Variants in NEUROG1 observed in about 807,000 individuals in gnomAD.
NEUROG1 encodes neurogenin 1, also known as neurogenin-1.
NEUROG1 carries 5 observed loss-of-function variants against 5.7 expected under a neutral mutation model. The ratio of observed to expected loss-of-function variants is 0.88; its 90% CI spans 0.46 to 1.85. The LOEUF (loss-of-function observed/expected upper bound fraction) is 1.85, where lower values mean the gene tolerates loss of function less well. Among genes scored for constraint, NEUROG1 ranks in the 40% most tolerant of loss-of-function variants. The probability of loss-of-function intolerance (pLI) is 0.01; values close to 1 mark genes in which losing one functional copy is unlikely to be tolerated. For synonymous variants in NEUROG1, 196 were observed against 157.4 expected (o/e 1.25, Z -1.84); for missense variants, 403 against 345.7 (o/e 1.17, Z -1.32).
rs1561730404 is a variant in NEUROG1 at position 135,534,958 on chromosome 5, AAC to A, written c.*17_*18del. On this transcript the variant is annotated 3_prime_UTR_variant, in exon 1 of 1. Transcript: ENST00000314744. Reference sequence around the variant, plus strand: ...CTGCTGACTAGGGGAGGGGGAAAGTAACAGTGTCTACAAAGGGCCTAGTGGTA... The same window carrying A: ...CTGCTGACTAGGGGAGGGGGAAAGTAAGTGTCTACAAAGGGCCTAGTGGTA... 6.2e-7 allele frequency: 1 copy of A among 1,607,026 alleles called. No individual in the cohort carries two copies. The highest frequency in any genetic ancestry group is 2.3e-5 in the East Asian group (1 of 44,408).
chr5:135,535,345 G>A lies in NEUROG1; in HGVS notation c.346C>T (p.Arg116Cys). The change falls in exon 1 of 1, where the codon CGC becomes TGC. Residue 116 changes from arginine to cysteine, a missense_variant. Arg to Cys is a radical substitution (Grantham distance 180, BLOSUM62 -3). Transcript: ENST00000314744. ...TCGGGGAACGAGGGCAGCACGCTGC[G>A]CAGTGCGTCCAGGGCCGCGTTCAAG... ...HNLNAALDAL[R>C]SVLPSFPDDT... 6.2e-7 allele frequency: 1 copy of A among 1,613,334 alleles called. No individual in the cohort carries two copies. Among genetic ancestry groups the A allele is most frequent in the Non-Finnish European group, 8.5e-7 (1 of 1,179,610 alleles).
At position 135,534,787 on chromosome 5, in the gene NEUROG1, C is replaced by G. The variant is rs1454421974; in HGVS notation, c.*190G>C. ...GCAGGAGGGGCGCTGGGCTGAGGGC[C>G]GGAGAAACAGACCAAGAGACATCCG... is the stretch of plus-strand genomic sequence containing the variant. On this transcript the variant is annotated 3_prime_UTR_variant, in exon 1 of 1. Transcript: ENST00000314744. The G allele has an allele frequency of 6.6e-6, 4 of 606,918 alleles. No individual in the cohort carries two copies. Among genetic ancestry groups the G allele is most frequent in the South Asian group, 2.1e-5 (1 of 46,584 alleles). 37.6% of individuals were successfully genotyped at this position (606,918 alleles called of 1,614,324 possible). A position where few individuals can be genotyped will look rare whatever the true frequency, so the allele number is the denominator to read the frequency against.
chr5:135,534,659 T>C lies in NEUROG1; in HGVS notation c.*318A>G. Reference sequence around the variant, plus strand: ...TCTTCAGGGGCTGATCTGTCCCTTTTCTAAATCACACTGAAGTGGTGGCTG... The same window carrying C: ...TCTTCAGGGGCTGATCTGTCCCTTTCCTAAATCACACTGAAGTGGTGGCTG... On this transcript the variant is annotated 3_prime_UTR_variant, in exon 1 of 1. Coordinates refer to ENST00000314744, the MANE Select transcript of NEUROG1 (RefSeq NM_006161.3). 3.3e-6 allele frequency: 1 copy of C among 303,516 alleles called. No individual in the cohort carries two copies. The highest frequency in any genetic ancestry group is 5.8e-5 in the East Asian group (1 of 17,238). The allele number at this position is 303,516 out of a possible 1,614,324, so 18.8% of individuals were successfully genotyped here.
chr5:135,535,153 C>T lies in NEUROG1; in HGVS notation c.538G>A (p.Ala180Thr), dbSNP rs752891195. 2.8e-5 allele frequency: 45 copies of T among 1,608,314 alleles called. No individual in the cohort carries two copies. The highest frequency in any genetic ancestry group is 3.8e-5 in the Non-Finnish European group (45 of 1,177,470). Reference protein sequence around the residue: ...VPCLPGPPSPASDAESWGSGA... With the variant: ...VPCLPGPPSPTSDAESWGSGA... ...GAGCCCCAGGACTCCGCGTCGCTGG[C>T]GGGGCTTGGGGGACCGGGCAGGCAG... The change falls in exon 1 of 1, where the codon GCC becomes ACC. Residue 180 changes from alanine (A) to threonine (T), a missense_variant. Coordinates refer to ENST00000314744, the MANE Select transcript of NEUROG1 (RefSeq NM_006161.3).
In NEUROG1 at chr5:135,535,258, C is replaced by A; in HGVS notation, c.433G>T (p.Ala145Ser). ...RFAYNYIWAL[A>S]ETLRLADQGL... ...TGATCCGCCAGGCGCAGTGTCTCGG[C>A]CAGAGCCCAGATGTAGTTGTAGGCG... Residue 145 changes from alanine to serine, a missense_variant, in exon 1 of 1, where the codon GCC becomes TCC. Transcript: ENST00000314744. The A allele has an allele frequency of 6.2e-7, 1 of 1,613,394 alleles. No homozygotes were observed. The highest frequency in any genetic ancestry group is 8.5e-7 in the Non-Finnish European group (1 of 1,179,658).
In NEUROG1 at chr5:135,535,522, G is replaced by C; in HGVS notation, c.169C>G (p.Arg57Gly). 1.3e-6 allele frequency: 2 copies of C among 1,573,694 alleles called. No homozygotes were observed. The highest frequency in any genetic ancestry group is 1.1e-5 in the South Asian group (1 of 86,964). Residue 57 changes from arginine (R) to glycine (G), a missense_variant, in exon 1 of 1, where the codon CGG (arginine) becomes GGG (glycine). Arg to Gly is a moderately radical substitution (Grantham distance 125). Coordinates refer to ENST00000314744, the MANE Select transcript of NEUROG1 (RefSeq NM_006161.3). ...PARRGAPNIS[R>G]ASEVPGAQDD... ...TGTGCCCCTGGAACCTCAGACGCCCGGGAGATATTGGGCGCGCCCCTGCGG... is the reference window on the plus strand; with the variant it reads ...TGTGCCCCTGGAACCTCAGACGCCCCGGAGATATTGGGCGCGCCCCTGCGG...
chr5:135,535,572 G>A lies in NEUROG1; in HGVS notation c.119C>T (p.Ser40Phe). The change falls in exon 1 of 1, where the codon TCC becomes TTC. Residue 40 changes from serine to phenylalanine, a missense_variant. Physicochemically the swap from Ser to Phe is radical, Grantham distance 155. Coordinates refer to ENST00000314744, the MANE Select transcript of NEUROG1 (RefSeq NM_006161.3). Reference protein sequence around the residue: ...EDCARLQQAASASGPPAPARR... With the variant: ...EDCARLQQAAFASGPPAPARR... ...GGCCGGCGCGGGCGGCCCCGAAGCG[G>A]AGGCTGCCTGTTGGAGTCTGGCACA... The A allele has an allele frequency of 6.3e-7, 1 of 1,584,468 alleles. No individual in the cohort carries two copies. The highest frequency in any genetic ancestry group is 8.5e-7 in the Non-Finnish European group (1 of 1,171,808).
At position 135,534,967 on chromosome 5, in the gene NEUROG1, T is replaced by C. The variant is rs199710381; in HGVS notation, c.*10A>G. On this transcript the variant is annotated 3_prime_UTR_variant, in exon 1 of 1. Coordinates refer to ENST00000314744, the MANE Select transcript of NEUROG1 (RefSeq NM_006161.3). ...AGGGGAGGGGGAAAGTAACAGTGTC[T>C]ACAAAGGGCCTAGTGGTAAGGAATG... 6.2e-7 allele frequency: 1 copy of C among 1,611,090 alleles called. No individual in the cohort carries two copies. Among genetic ancestry groups the C allele is most frequent in the Admixed American group, 1.7e-5 (1 of 59,666 alleles).
At position 135,534,982 on chromosome 5, in the gene NEUROG1, GGTAAGGAATGAAACAGGGCGTT is replaced by G; in HGVS notation, c.687_708del (p.Pro231ArgfsTer13). 1 of 1,613,490 alleles carries G rather than the reference GGTAAGGAATGAAACAGGGCGTT, an allele frequency of 6.2e-7. No individual in the cohort carries two copies. On this transcript the variant is annotated frameshift_variant, in exon 1 of 1. Coordinates refer to ENST00000314744, the MANE Select transcript of NEUROG1 (RefSeq NM_006161.3). LOFTEE classifies it high-confidence loss of function. The stretch of plus-strand genomic sequence containing the variant: ...TAACAGTGTCTACAAAGGGCCTAGT[GGTAAGGAATGAAACAGGGCGTT>G]GTGTGGAGCAAGTCTTTGGGCAGGC...
In NEUROG1 at chr5:135,534,658, T is replaced by G; in HGVS notation, c.*319A>C. On this transcript the variant is annotated 3_prime_UTR_variant, in exon 1 of 1. Transcript: ENST00000314744. ...GTCTTCAGGGGCTGATCTGTCCCTT[T>G]TCTAAATCACACTGAAGTGGTGGCT... is the stretch of plus-strand genomic sequence containing the variant. 3.4e-6 allele frequency: 1 copy of G among 298,062 alleles called. No homozygotes were observed. Among genetic ancestry groups the G allele is most frequent in the Non-Finnish European group, 6.2e-6 (1 of 162,132 alleles). 18.5% of individuals were successfully genotyped at this position (298,062 alleles called of 1,614,324 possible). A position where few individuals can be genotyped will look rare whatever the true frequency, so the allele number is the denominator to read the frequency against.
rs777262419 is a variant in NEUROG1 at position 135,535,383 on chromosome 5, T to G, written c.308A>C (p.Asn103Thr). ...RRVKANDRER[N>T]RMHNLNAALD... is the part of the protein sequence containing the mutation. Reference sequence around the variant, plus strand: ...GGCCGCGTTCAAGTTGTGCATGCGGTTGCGCTCGCGATCGTTGGCCTTGAC... The same window carrying G: ...GGCCGCGTTCAAGTTGTGCATGCGGGTGCGCTCGCGATCGTTGGCCTTGAC... Residue 103 changes from asparagine (N) to threonine (T), a missense_variant, in exon 1 of 1, where the codon AAC becomes ACC. By Grantham distance (65) the Asn-to-Thr change is moderately conservative. Transcript: ENST00000314744. The G allele has an allele frequency of 6.2e-7, 1 of 1,611,646 alleles. No homozygotes were observed. Among genetic ancestry groups the G allele is most frequent in the Middle Eastern group, 1.7e-4 (1 of 6,056 alleles).
Position 135,535,762 on chromosome 5 carries a change from G to A in NEUROG1, c.-72C>T. On this transcript the variant is annotated 5_prime_UTR_variant, in exon 1 of 1. Coordinates refer to ENST00000314744, the MANE Select transcript of NEUROG1 (RefSeq NM_006161.3). ...CGCTGCAGCCCGGACTGAGGGCAGA[G>A]CCGCCAGGGCGCACTTACGTTCCCA... 8 of 1,356,042 alleles carry A rather than the reference G, an allele frequency of 5.9e-6. No individual in the cohort carries two copies. The highest frequency in any genetic ancestry group is 7.9e-6 in the Non-Finnish European group (8 of 1,013,744). The allele number at this position is 1,356,042 out of a possible 1,614,324, so 84.0% of individuals were successfully genotyped here.
rs1474865244 is a variant in NEUROG1, at chr5:135,535,171, G to T, written c.520C>A (p.Pro174Thr). 6.2e-7 allele frequency: 1 copy of T among 1,609,906 alleles called. No homozygotes were observed. The highest frequency in any genetic ancestry group is 8.5e-7 in the Non-Finnish European group (1 of 1,178,102). The part of the protein sequence containing the change: ...LLPPQCVPCL[P>T]GPPSPASDAE... ...TCGCTGGCGGGGCTTGGGGGACCGG[G>T]CAGGCAGGGGACGCACTGCGGCGGC... The change falls in exon 1 of 1, where the codon CCC (proline) becomes ACC (threonine). Residue 174 changes from proline (P) to threonine (T), a missense_variant. Transcript: ENST00000314744.
At position 135,535,863 on chromosome 5, in the gene NEUROG1, G is replaced by A. The variant is rs914545857; in HGVS notation, c.-173C>T. 1.8e-4 allele frequency: 99 copies of A among 559,978 alleles called. No individual in the cohort carries two copies. The highest frequency in any genetic ancestry group is 1.8e-3 in the African/African-American group (88 of 50,114). The allele number at this position is 559,978 out of a possible 1,614,324, so 34.7% of individuals were successfully genotyped here. A position where few individuals can be genotyped will look rare whatever the true frequency, so the allele number is the denominator to read the frequency against. Reference sequence around the variant, plus strand: ...GGGTGCAGGGGCGCACGGAGAACTTGGCCTGGCCTCCTCGCCTCGCCTGCA... The same window carrying A: ...GGGTGCAGGGGCGCACGGAGAACTTAGCCTGGCCTCCTCGCCTCGCCTGCA... On this transcript the variant is annotated 5_prime_UTR_variant, in exon 1 of 1. Transcript: ENST00000314744.
Position 135,534,969 on chromosome 5 carries a change from C to T in NEUROG1, c.*8G>A, listed in dbSNP as rs1750501597. On this transcript the variant is annotated 3_prime_UTR_variant, in exon 1 of 1. Transcript: ENST00000314744. ...GGGAGGGGGAAAGTAACAGTGTCTACAAAGGGCCTAGTGGTAAGGAATGAA... is the reference window on the plus strand; with the variant it reads ...GGGAGGGGGAAAGTAACAGTGTCTATAAAGGGCCTAGTGGTAAGGAATGAA... 1 of 1,611,526 alleles carries T rather than the reference C, an allele frequency of 6.2e-7. No homozygotes were observed.
chr5:135,535,060 G>C lies in NEUROG1; in HGVS notation c.631C>G (p.Arg211Gly), dbSNP rs761295988. ...SPAASEDFTY[R>G]PGDPVFSFPS... is the part of the protein sequence containing the mutation. ...AAGGAGAAAACAGGGTCGCCGGGGC[G>C]GTAGGTGAAGTCTTCGGAGGCGGCT... is the stretch of plus-strand genomic sequence containing the variant. Residue 211 changes from arginine to glycine, a missense_variant, in exon 1 of 1, where the codon CGC becomes GGC. Coordinates refer to ENST00000314744, the MANE Select transcript of NEUROG1 (RefSeq NM_006161.3). 2 of 1,614,010 alleles carry C rather than the reference G, an allele frequency of 1.2e-6. No homozygotes were observed. The highest frequency in any genetic ancestry group is 1.7e-6 in the Non-Finnish European group (2 of 1,179,954).
In NEUROG1 at chr5:135,535,611, G is replaced by T. The variant is rs150467271; in HGVS notation, c.80C>A (p.Thr27Asn). The change falls in exon 1 of 1, where the codon ACC becomes AAC. Residue 27 changes from threonine (T) to asparagine (N), a missense_variant. Physicochemically the swap from Thr to Asn is moderately conservative, Grantham distance 65. Transcript: ENST00000314744. ...GAGTCTGGCACAGTCTTCCTCGTCGGTGAGGAAGCCGGATAGGTCACTGCC... is the reference window on the plus strand; with the variant it reads ...GAGTCTGGCACAGTCTTCCTCGTCGTTGAGGAAGCCGGATAGGTCACTGCC... Reference protein sequence around the residue: ...SSGSDLSGFLTDEEDCARLQQ... With the variant: ...SSGSDLSGFLNDEEDCARLQQ... 1.3e-6 allele frequency: 2 copies of T among 1,596,292 alleles called. No homozygotes were observed. The highest frequency in any genetic ancestry group is 1.7e-4 in the Middle Eastern group (1 of 6,040).
rs755926205 is a variant in NEUROG1, at chr5:135,535,169, G to A, written c.522C>T (p.Pro174=). The A allele has an allele frequency of 1.9e-6, 3 of 1,609,318 alleles. No homozygotes were observed. Among genetic ancestry groups the A allele is most frequent in the East Asian group, 2.2e-5 (1 of 44,700 alleles). Residue 174 remains proline (P), a synonymous_variant, in exon 1 of 1, where the codon CCC becomes CCT. Coordinates refer to ENST00000314744, the MANE Select transcript of NEUROG1 (RefSeq NM_006161.3). ...LLPPQCVPCL[P]GPPSPASDAE... ...CGTCGCTGGCGGGGCTTGGGGGACC[G>A]GGCAGGCAGGGGACGCACTGCGGCG...
rs890884662 is a variant in NEUROG1 at position 135,535,747 on chromosome 5, C to G, written c.-57G>C. 2.1e-6 allele frequency: 3 copies of G among 1,450,634 alleles called. No homozygotes were observed. The highest frequency in any genetic ancestry group is 2.9e-5 in the South Asian group (2 of 69,178). The allele number at this position is 1,450,634 out of a possible 1,614,324, so 89.9% of individuals were successfully genotyped here. ...GAAAGGCGCTCAGAGCGCTGCAGCC[C>G]GGACTGAGGGCAGAGCCGCCAGGGC... On this transcript the variant is annotated 5_prime_UTR_variant, in exon 1 of 1. Coordinates refer to ENST00000314744, the MANE Select transcript of NEUROG1 (RefSeq NM_006161.3).
Sources: allele counts gnomAD v4.1 joint callset, GRCh38; gene constraint gnomAD v4.1.1; transcripts MANE v1.5; gene names NCBI Gene and HGNC (gene_info 2026-07-23, HGNC 2026-07-21).